The following TMTC4 variants were observed in gnomAD, a reference collection of about 807,000 sequenced individuals.
The protein encoded by TMTC4 is protein O-mannosyl-transferase TMTC4.
A neutral mutation model predicts 86.0 loss-of-function variants in TMTC4; 65 were observed. The observed-to-expected ratio is 0.76, with a 90% CI of 0.62 to 0.93. The LOEUF is 0.93. Among genes scored for constraint, TMTC4 ranks in the 40% least tolerant of loss-of-function variants. The pLI is 0.00. For missense variants in TMTC4, 866 were observed against 948.1 expected, an observed-to-expected ratio of 0.91 and a Z score of 1.14; for synonymous variants, 379 against 382.5, an observed-to-expected ratio of 0.99 and a Z score of 0.11.
intron 15 of TMTC4, among the ~76,000 whole-genome samples, chr13:100,616,283 A>T (rs1386894291): frequency 6.6e-6 from 1 of 151,994 alleles, no homozygotes; most frequent in Non-Finnish European, 1.5e-5. Flanking sequence ...GGCTCACTGC[A>T]ACCTCCACCT....
intron 15 of TMTC4, chr13:100,614,756 T>A (rs552097981): frequency 1.5e-5 from 4 of 260,220 alleles, no homozygotes; most frequent in Admixed American, 1.3e-4. Context: ...TCCTATTTCC[T>A]GTTATTTAGT....
chr13:100,613,838 C>T (rs1402978243), intron 16 of TMTC4, among the ~76,000 whole-genome samples: 4 of 122,250 alleles, frequency 3.3e-5, no homozygotes, highest in Non-Finnish European at 7.3e-5. Context: ...CCCCCCTACC[C>T]GCCCCCCCCT....
At chr13:100,657,179 T>G (rs1885217206) in intron 5 of TMTC4, among the ~76,000 whole-genome samples, 1 of 152,196 alleles carries the variant, frequency 6.6e-6, no homozygotes, top group South Asian at 2.1e-4. Flanking sequence ...TCAAAGGTCA[T>G]GATATTTAAA....
In TMTC4 at chr13:100,604,528, A is replaced by T. The variant is rs1411244420; in HGVS notation, c.*466T>A. On this transcript the variant is annotated 3_prime_UTR_variant, in exon 19 of 19. Coordinates refer to ENST00000342624, the MANE Select transcript of TMTC4 (RefSeq NM_032813.5). ...GTATGTTGTTTTAAAAAAAAGAGAT[A>T]AAAAAACTTAATTTGCTTTGTCATT... The T allele has an allele frequency of 6.6e-6, 1 of 152,308 alleles. No individual in the cohort carries two copies. The highest frequency in any genetic ancestry group is 1.5e-5 in the Non-Finnish European group (1 of 68,116). 9.4% of individuals were successfully genotyped at this position (152,308 alleles called of 1,614,324 possible).
intron 12 of TMTC4, among the ~76,000 whole-genome samples, chr13:100,626,351 G>C (rs1399288830): frequency 6.6e-6 from 1 of 152,210 alleles, no homozygotes; most frequent in Admixed American, 6.5e-5. Context: ...AGAAGAAAGG[G>C]GGTATAGGCA....
chr13:100,637,902 T>C, intron 8 of TMTC4, 28 bp downstream of exon 8: 1 of 1,578,420 alleles, frequency 6.3e-7, no homozygotes, highest in Non-Finnish European at 8.7e-7. Context: ...TTTCCATGTC[T>C]GGGCTGGAGA....
intron 1 of TMTC4, chr13:100,673,301 G>A: frequency 1.0e-6 from 1 of 985,412 alleles, no homozygotes; most frequent in African/African-American, 1.7e-5. Context: ...AAACAGAATG[G>A]CGAGACCAAA....
rs138116083 is a variant in TMTC4, at chr13:100,635,112, G to A, written c.1286C>T (p.Ala429Val). 39 of 1,614,116 alleles carry A rather than the reference G, an allele frequency of 2.4e-5. No homozygotes were observed. The highest frequency in any genetic ancestry group is 1.6e-4 in the Middle Eastern group (1 of 6,062). ...GCTGGGGAGGTAGAGGACACGCTCT[G>A]CGACCACGAAGCCCACTCGGAAGAA... is the stretch of plus-strand genomic sequence containing the variant. The part of the protein sequence containing the change: ...NLFFRVGFVV[A>V]ERVLYLPSVG... The change falls in exon 11 of 19, where the codon GCA becomes GTA. Residue 429 changes from alanine (A) to valine (V), a missense_variant. Physicochemically the swap from Ala to Val is moderately conservative, Grantham distance 64 (BLOSUM62 0). Transcript: ENST00000342624.
Position 100,663,147 on chromosome 13 carries a change from G to A in TMTC4, c.369C>T (p.Pro123=), listed in dbSNP as rs763721682. Residue 123 remains proline (P), a synonymous_variant, in exon 5 of 19, where the codon CCC becomes CCT. Transcript: ENST00000342624. ...INYYLSGGFH[P]VGFHVVNILL... is the part of the protein sequence containing the mutation. ...GGATGTTGACCACGTGAAAGCCCAC[G>A]GGGTGGAAGCCTCCCGAGAGGTAGT... 24 of 1,614,104 alleles carry A rather than the reference G, an allele frequency of 1.5e-5. No homozygotes were observed. Among genetic ancestry groups the A allele is most frequent in the South Asian group, 1.1e-4 (10 of 91,074 alleles).
At chr13:100,656,148 A>T (rs1490081411) in intron 6 of TMTC4, among the ~76,000 whole-genome samples, 3 of 152,166 alleles carry the variant, frequency 2.0e-5, no homozygotes, top group Non-Finnish European at 4.4e-5. Flanking sequence ...TGGTCTCAAT[A>T]CCTAATAGGA....
In TMTC4 at chr13:100,612,596, G is replaced by A. The variant is rs913813357; in HGVS notation, c.1952-86C>T. 25 of 918,502 alleles carry A rather than the reference G, an allele frequency of 2.7e-5. No individual in the cohort carries two copies. The African/African-American group carries it at 3.8e-4, about 14-fold the overall frequency. 56.9% of individuals were successfully genotyped at this position (918,502 alleles called of 1,614,324 possible). On this transcript the variant is annotated intron_variant, in intron 16 of 18. Coordinates refer to ENST00000342624, the MANE Select transcript of TMTC4 (RefSeq NM_032813.5). ...TCTCTATAACTAACAGGGTTTATGT[G>A]CACAGCACATGACAATTATGAATAA... is the stretch of plus-strand genomic sequence containing the variant.
At position 100,625,772 on chromosome 13, in the gene TMTC4, A is replaced by C. The variant is rs1157313716; in HGVS notation, c.1694+13T>G. The C allele has an allele frequency of 6.2e-7, 1 of 1,611,498 alleles. No homozygotes were observed. The highest frequency in any genetic ancestry group is 2.2e-5 in the East Asian group (1 of 44,878). On this transcript the variant is annotated intron_variant, in intron 14 of 18. Transcript: ENST00000342624. The stretch of plus-strand genomic sequence containing the variant: ...TTCTTTGTCACTAGCATAATTATAA[A>C]AACAATGCTTACTGTATTTGAACAG...
chr13:100,668,326 G>C (rs1886645132), intron 3 of TMTC4: 1 of 457,024 alleles, frequency 2.2e-6, no homozygotes, highest in Non-Finnish European at 3.9e-6. Context: ...CGGCCTCTTT[G>C]ATCCATATGT....
chr13:100,608,764 AT>A (rs1352480286), intron 17 of TMTC4, among the ~76,000 whole-genome samples: 2 of 152,250 alleles, frequency 1.3e-5, no homozygotes, highest in Admixed American at 6.5e-5. Flanking sequence ...AGCCAATTTA[AT>A]GCCAATGAAC....
chr13:100,640,989 A>G (rs945720261), intron 7 of TMTC4, among the ~76,000 whole-genome samples: 1 of 152,128 alleles, frequency 6.6e-6, no homozygotes, highest in Non-Finnish European at 1.5e-5. Flanking sequence ...CTTTAATCCT[A>G]GCATCTACTC....
rs1208608277 is a variant in TMTC4 at position 100,642,216 on chromosome 13, C to T, written c.736G>A (p.Val246Met). Residue 246 changes from valine to methionine, a missense_variant, in exon 7 of 19, where the codon GTG (valine) becomes ATG (methionine). Physicochemically the swap from Val to Met is conservative, Grantham distance 21. Transcript: ENST00000342624. ...AMLCKEQGIT[V>M]LGLNAVFDIL... Reference sequence around the variant, plus strand: ...AGCCATGTTGCGGCTCTCACCAGCACAGTGATCCCTTGCTCTTTGCACAGC... The same window carrying T: ...AGCCATGTTGCGGCTCTCACCAGCATAGTGATCCCTTGCTCTTTGCACAGC... 6.2e-7 allele frequency: 1 copy of T among 1,614,164 alleles called. No individual in the cohort carries two copies. Among genetic ancestry groups the T allele is most frequent in the Admixed American group, 1.7e-5 (1 of 60,024 alleles).
intron 15 of TMTC4, among the ~76,000 whole-genome samples, chr13:100,621,780 T>C (rs1176588404): frequency 1.3e-5 from 2 of 152,346 alleles, no homozygotes; most frequent in East Asian, 3.9e-4. Flanking sequence ...AGTACTAGTT[T>C]AACAGATACA....
intron 6 of TMTC4, among the ~76,000 whole-genome samples, chr13:100,656,076 C>T (rs1885073578): frequency 6.6e-6 from 1 of 152,196 alleles, no homozygotes; most frequent in Non-Finnish European, 1.5e-5. Context: ...GAATCATTCG[C>T]AATCCTATAA....
intron 17 of TMTC4, among the ~76,000 whole-genome samples, chr13:100,611,448 G>A (rs1026937322): frequency 6.6e-6 from 1 of 152,180 alleles, no homozygotes; most frequent in Admixed American, 6.5e-5. Flanking sequence ...AGCCGGGCGT[G>A]GTGGCGGGCG....
Sources: allele counts gnomAD v4.1 joint callset (sites outside exome capture counted in the v4.1 genomes callset), GRCh38; gene constraint gnomAD v4.1.1; transcripts MANE v1.5; gene names NCBI Gene and HGNC (gene_info 2026-07-23, HGNC 2026-07-21).